The following MAPK10 variants were observed in gnomAD, a reference collection of about 807,000 sequenced individuals.
The protein encoded by MAPK10 is mitogen-activated protein kinase 10, also known as JNK3 alpha protein kinase.
In MAPK10, 25 loss-of-function variants were observed where a neutral mutation model predicts 59.3. That is an observed-to-expected ratio of 0.42 (90% CI 0.31 to 0.59). The LOEUF (loss-of-function observed/expected upper bound fraction) is 0.59, where lower values mean the gene tolerates loss of function less well. MAPK10 is among the 20% of genes least tolerant of loss of function. The pLI is 0.15. For synonymous variants in MAPK10, 190 were observed against 200.5 expected (o/e 0.95, Z 0.44); for missense variants, 351 against 568.9 (o/e 0.62, Z 3.90).
At chr4:86,274,049 T>C (rs1439479591) in intron 2 of MAPK10, among the ~76,000 whole-genome samples, 2 of 151,996 alleles carry the variant, frequency 1.3e-5, no homozygotes, top group Non-Finnish European at 2.9e-5. Context: ...AATTATAAGT[T>C]AGAAAAGTAA....
At chr4:86,401,739 C>G (rs897968658) in intron 1 of MAPK10, among the ~76,000 whole-genome samples, 1 of 152,068 alleles carries the variant, frequency 6.6e-6, no homozygotes. Context: ...AAAATATTCA[C>G]AAGATGTTGT....
chr4:86,029,668 G>C (rs957159100), intron 12 of MAPK10, among the ~76,000 whole-genome samples: 3 of 152,100 alleles, frequency 2.0e-5, no homozygotes, highest in African/African-American at 7.2e-5. Context: ...TTTGGGGGAA[G>C]TACTAATACA....
At position 86,017,569 on chromosome 4, in the gene MAPK10, C is replaced by A. The variant is rs1743926465; in HGVS notation, c.1253-199G>T. On this transcript the variant is annotated intron_variant, in intron 13 of 13. Transcript: ENST00000641462. This position sits in a 1 kb window ranked among gnomAD's most constrained non-coding sequence, Gnocchi z 4.4. ...GACATAGCAATAAAAAGTCCTTCAT[C>A]ACAAGTTATCAAATCTCACTCTATA... Among the ~76,000 whole-genome samples the A allele has an allele frequency of 6.6e-6, 1 of 152,168 alleles. No homozygotes were observed. Among genetic ancestry groups the A allele is most frequent in the South Asian group, 2.1e-4 (1 of 4,824 alleles).
chr4:86,569,718 A>G (rs1761320617), intron 1 of MAPK10, among the ~76,000 whole-genome samples: 1 of 152,192 alleles, frequency 6.6e-6, no homozygotes, highest in South Asian at 2.1e-4. Context: ...CAAAAACCAC[A>G]TGCTCTCACT....
chr4:86,283,769 T>G (rs2094904340), intron 2 of MAPK10, among the ~76,000 whole-genome samples: 1 of 152,214 alleles, frequency 6.6e-6, no homozygotes, highest in Admixed American at 6.6e-5. Flanking sequence ...TGGTTGCTTG[T>G]AGTGCAGGTT....
At chr4:86,291,947 T>G (rs1437433992) in intron 2 of MAPK10, among the ~76,000 whole-genome samples, 1 of 152,168 alleles carries the variant, frequency 6.6e-6, no homozygotes, top group Non-Finnish European at 1.5e-5. Context: ...GCAATCACAA[T>G]GATTCCCTCA....
At chr4:86,227,505 GAAAAGAA>G (rs2090861090) in intron 2 of MAPK10, among the ~76,000 whole-genome samples, 15 of 146,802 alleles carry the variant, frequency 1.0e-4, no homozygotes, top group Admixed American at 4.7e-4. Flanking sequence ...AAAAAAGAAA[GAAAAGAA>G]AAAGAAAAGA....
intron 2 of MAPK10, among the ~76,000 whole-genome samples, chr4:86,250,939 A>G (rs2093380306): frequency 1.3e-5 from 2 of 152,166 alleles, no homozygotes; most frequent in Non-Finnish European, 2.9e-5. Flanking sequence ...AGTAAGCTCA[A>G]TCATGCAGTT....
At position 86,016,521 on chromosome 4, in the gene MAPK10, C is replaced by T. The variant is rs1213094656; in HGVS notation, c.*707G>A. 6.6e-6 allele frequency: 1 copy of T among 152,660 alleles called. No homozygotes were observed. The highest frequency in any genetic ancestry group is 3.2e-3 in the Middle Eastern group (1 of 316). The allele number at this position is 152,660 out of a possible 1,614,324, so 9.5% of individuals were successfully genotyped here. ...TTAATCCATTCAAATTTGGAAGCTA[C>T]ATCTTCAAGGGTCTGAGAGAGCTCA... On this transcript the variant is annotated 3_prime_UTR_variant, in exon 14 of 14. Transcript: ENST00000641462.
chr4:86,388,988 T>A (rs1741850842), intron 1 of MAPK10, among the ~76,000 whole-genome samples: 1 of 152,204 alleles, frequency 6.6e-6, no homozygotes, highest in Non-Finnish European at 1.5e-5. Flanking sequence ...TAGCATTCAA[T>A]ATGTGATATG....
rs978517064 is a variant in MAPK10 at position 86,577,571 on chromosome 4, C to T, written c.-263+16339G>A. Among the ~76,000 whole-genome samples the T allele has an allele frequency of 2.8e-4, 42 of 152,140 alleles. 1 individual carries two copies. Among genetic ancestry groups the T allele is most frequent in the Admixed American group, 2.4e-3 (37 of 15,280 alleles). Reference sequence around the variant, plus strand: ...TGGAAAAATGTGTTTGTTTGCCAACCTTGTTGAGAGGAGATTTATGTTTCT... The same window carrying T: ...TGGAAAAATGTGTTTGTTTGCCAACTTTGTTGAGAGGAGATTTATGTTTCT... On this transcript the variant is annotated intron_variant, in intron 1 of 4. Coordinates refer to the MAPK10 transcript ENST00000502302.
intron 1 of MAPK10, among the ~76,000 whole-genome samples, chr4:86,491,145 AT>A (rs1754424794): frequency 6.6e-6 from 1 of 152,182 alleles, no homozygotes; most frequent in Non-Finnish European, 1.5e-5. Flanking sequence ...GGAGCAAAGT[AT>A]GGCAGTCAGA....
intron 8 of MAPK10, chr4:86,100,763 G>T: frequency 4.1e-6 from 1 of 244,088 alleles, no homozygotes; most frequent in East Asian, 8.2e-5. Context: ...CAATATCTAG[G>T]CACGTGTGCT....
At chr4:86,473,463 G>C (rs913089598) in intron 1 of MAPK10, among the ~76,000 whole-genome samples, 10 of 152,128 alleles carry the variant, frequency 6.6e-5, no homozygotes, top group African/African-American at 2.4e-4. Flanking sequence ...GGGAACTAAA[G>C]GCAGAAAGTA....
intron 2 of MAPK10, among the ~76,000 whole-genome samples, chr4:86,321,263 C>G (rs1367944690): frequency 1.3e-5 from 2 of 151,980 alleles, no homozygotes; most frequent in South Asian, 2.1e-4. Context: ...ATAAATCATG[C>G]TGCTATAAAG....
At chr4:86,474,371 T>C (rs1752898282) in intron 1 of MAPK10, among the ~76,000 whole-genome samples, 2 of 152,160 alleles carry the variant, frequency 1.3e-5, no homozygotes, top group South Asian at 4.1e-4. Context: ...AGTGTTGAAA[T>C]TAATACATGG....
chr4:86,455,227 C>G (rs566801409), upstream of MAPK10, among the ~76,000 whole-genome samples: 3 of 151,316 alleles, frequency 2.0e-5, no homozygotes, highest in Admixed American at 6.6e-5. Context: ...ACAACAACAA[C>G]AAAAAAAACA....
chr4:86,035,404 G>T (rs1270749420), intron 11 of MAPK10, among the ~76,000 whole-genome samples: 2 of 147,730 alleles, frequency 1.4e-5, no homozygotes, highest in Non-Finnish European at 3.0e-5. Context: ...AATGATCCAG[G>T]GTATCATGAT....
chr4:86,193,273 G>T (rs538885195), intron 3 of MAPK10: 1 of 152,410 alleles, frequency 6.6e-6, no homozygotes, highest in Non-Finnish European at 1.5e-5. Context: ...AGCAGAGCTT[G>T]ATTGCTGTGC....
Sources: gnomAD v4.1 joint callset for allele counts (sites outside exome capture counted in the v4.1 genomes callset) on GRCh38, gnomAD v4.1.1 for gene constraint, Gnocchi (gnomAD v3.1) non-coding constraint, MANE v1.5 for transcripts, NCBI Gene and HGNC (gene_info 2026-07-23, HGNC 2026-07-21) for gene names.